The following MACROD1 variants were observed in gnomAD, a reference collection of about 807,000 sequenced individuals.
MACROD1 encodes the protein mono-ADP ribosylhydrolase 1.
MACROD1 carries 31 observed loss-of-function variants against 41.4 expected under a neutral mutation model. The observed-to-expected ratio is 0.75, with a 90% confidence interval of 0.56 to 1.01. MACROD1 has a LOEUF of 1.01. MACROD1 is among the 50% of genes least tolerant of loss of function. MACROD1 has a pLI of 0.00. For missense variants in MACROD1, 473 were observed against 460.0 expected (o/e 1.03, Z -0.26); for synonymous variants, 252 against 203.4 (o/e 1.24, Z -2.03).
chr11:64,024,520 C>T (rs1388714444), intron 3 of MACROD1, among the ~76,000 whole-genome samples: 2 of 152,136 alleles, frequency 1.3e-5, no homozygotes, highest in Non-Finnish European at 2.9e-5. Context: ...CACTGCAGGA[C>T]CCCCAGCTGC....
intron 3 of MACROD1, among the ~76,000 whole-genome samples, chr11:64,015,865 G>A (rs1255001397): frequency 1.3e-5 from 2 of 152,196 alleles, no homozygotes; most frequent in South Asian, 4.1e-4. Context: ...GGGACAAGGC[G>A]AGCCGGGTAA....
At chr11:64,102,078 A>T (rs940156742) in intron 3 of MACROD1, among the ~76,000 whole-genome samples, 14 of 152,154 alleles carry the variant, frequency 9.2e-5, no homozygotes, top group African/African-American at 3.4e-4. Context: ...GCATTTCTCA[A>T]ATCAGCCACC....
At chr11:64,053,978 C>T (rs535853297) in intron 3 of MACROD1, among the ~76,000 whole-genome samples, 1 of 152,262 alleles carries the variant, frequency 6.6e-6, no homozygotes, top group South Asian at 2.1e-4. Flanking sequence ...CAGCACCGTG[C>T]TGGGCGCTCT....
chr11:64,042,163 C>T (rs1294839318), intron 3 of MACROD1, among the ~76,000 whole-genome samples: 2 of 152,172 alleles, frequency 1.3e-5, no homozygotes, highest in African/African-American at 2.4e-5. Flanking sequence ...GGTGGGCACA[C>T]ATGCACCTTC....
intron 3 of MACROD1, among the ~76,000 whole-genome samples, chr11:64,126,582 T>C (rs2622431): frequency 0.96 from 145,517 of 152,042 alleles, 69,951 homozygotes; most frequent in Middle Eastern, 1. Context: ...TCTTATGTGG[T>C]GTCGTAAAGC....
At chr11:64,105,000 C>T (rs1335277659) in intron 3 of MACROD1, among the ~76,000 whole-genome samples, 3 of 152,234 alleles carry the variant, frequency 2.0e-5, no homozygotes, top group East Asian at 1.9e-4. Flanking sequence ...ACACTTCCCA[C>T]GCTCTTCCTC....
chr11:64,031,984 G>C (rs935387044), intron 3 of MACROD1, among the ~76,000 whole-genome samples: 3 of 152,222 alleles, frequency 2.0e-5, no homozygotes, highest in African/African-American at 7.2e-5. Flanking sequence ...CCAGGGTTGT[G>C]CCCTCTGAAC....
At chr11:64,111,335 C>A (rs1165587102) in intron 3 of MACROD1, among the ~76,000 whole-genome samples, 1 of 152,202 alleles carries the variant, frequency 6.6e-6, no homozygotes, top group Non-Finnish European at 1.5e-5. Context: ...CGCTGGGGGC[C>A]CCCTGGCAGA....
Position 64,043,933 on chromosome 11 carries a change from C to T in MACROD1, c.518-28652G>A, listed in dbSNP as rs548895884. 1.4e-4 allele frequency among the ~76,000 whole-genome samples: 21 copies of T among 152,070 alleles called. No homozygotes were observed. The East Asian group carries it at 4.1e-3, about 30-fold the overall frequency. On this transcript the variant is annotated intron_variant, in intron 3 of 10. Coordinates refer to ENST00000255681, the MANE Select transcript of MACROD1 (RefSeq NM_014067.4). Reference sequence around the variant, plus strand: ...GGTTCAAGCTATTCTCCTGCCTCAGCCTCCCAAGTAGCTGGGACTACAGGT... The same window carrying T: ...GGTTCAAGCTATTCTCCTGCCTCAGTCTCCCAAGTAGCTGGGACTACAGGT...
chr11:64,094,269 A>C (rs971303044), intron 3 of MACROD1, among the ~76,000 whole-genome samples: 7 of 152,166 alleles, frequency 4.6e-5, no homozygotes, highest in Non-Finnish European at 1.0e-4. Flanking sequence ...TCTCTACTAA[A>C]AATACAAAAA....
intron 3 of MACROD1, among the ~76,000 whole-genome samples, chr11:64,051,716 C>T (rs1329827039): frequency 1.3e-5 from 2 of 152,170 alleles, no homozygotes; most frequent in African/African-American, 4.8e-5. Flanking sequence ...GTGAGCTCCT[C>T]CCTGAACAGT....
At chr11:64,079,823 C>G (rs1944272968) in intron 3 of MACROD1, among the ~76,000 whole-genome samples, 1 of 152,048 alleles carries the variant, frequency 6.6e-6, no homozygotes, top group African/African-American at 2.4e-5. Context: ...ACCACTTGGA[C>G]CCCAGGAAGG....
At chr11:64,032,910 C>T (rs1367895453) in intron 3 of MACROD1, among the ~76,000 whole-genome samples, 7 of 152,172 alleles carry the variant, frequency 4.6e-5, no homozygotes, top group Admixed American at 4.6e-4. Context: ...TCCTGGCTGA[C>T]ACCAGCCACC....
At position 64,165,801 on chromosome 11, in the gene MACROD1, C is replaced by A. The variant is rs964854724; in HGVS notation, c.194G>T (p.Gly65Val). ...ARTSAGVGAW[G>V]AAAVGRTAGV... The stretch of plus-strand genomic sequence containing the variant: ...GGCTGTCCGCCCCACCGCCGCCGCC[C>A]CCCACGCCCCAACTCCCGCCGAGGT... The change falls in exon 1 of 11, where the codon GGG (glycine) becomes GTG (valine). Residue 65 changes from glycine (G) to valine (V), a missense_variant. Physicochemically the swap from Gly to Val is moderately radical, Grantham distance 109 (BLOSUM62 -3). Transcript: ENST00000255681. 2.6e-5 allele frequency: 38 copies of A among 1,487,586 alleles called. No individual in the cohort carries two copies. The highest frequency in any genetic ancestry group is 3.3e-5 in the Non-Finnish European group (37 of 1,121,488). 92.1% of individuals were successfully genotyped at this position (1,487,586 alleles called of 1,614,324 possible). A position where few individuals can be genotyped will look rare whatever the true frequency, so the allele number is the denominator to read the frequency against.
chr11:64,076,451 C>CGGAT (rs34046350), intron 3 of MACROD1, among the ~76,000 whole-genome samples: 4,433 of 151,890 alleles, frequency 0.029, 214 homozygotes, highest in African/African-American at 0.1. Flanking sequence ...GATGGATGGA[C>CGGAT]GGATGGATGG....
intron 3 of MACROD1, among the ~76,000 whole-genome samples, chr11:64,018,602 C>T (rs900427036): frequency 2.6e-5 from 4 of 152,224 alleles, no homozygotes; most frequent in Non-Finnish European, 5.9e-5. Context: ...TGCACCCCAA[C>T]ATCTTGGCCT....
intron 4 of MACROD1, chr11:64,000,971 C>G (rs1169725397): frequency 5.7e-6 from 1 of 174,190 alleles, no homozygotes; most frequent in Non-Finnish European, 1.2e-5. Flanking sequence ...CGCCCGGGCC[C>G]GAGTCTCCTG....
At chr11:64,077,072 C>A (rs551079529) in intron 3 of MACROD1, among the ~76,000 whole-genome samples, 1 of 152,208 alleles carries the variant, frequency 6.6e-6, no homozygotes, top group African/African-American at 2.4e-5. Flanking sequence ...GGTCCACAGA[C>A]CCCAGACCCC....
At chr11:64,164,810 C>G (rs1008488381) in intron 1 of MACROD1, among the ~76,000 whole-genome samples, 1 of 149,724 alleles carries the variant, frequency 6.7e-6, no homozygotes, top group East Asian at 1.9e-4. Context: ...GGGATCCAGC[C>G]GGGAAGAGTC....
Sources: gnomAD v4.1 joint callset for allele counts (sites outside exome capture counted in the v4.1 genomes callset) on GRCh38, gnomAD v4.1.1 for gene constraint, MANE v1.5 for transcripts, NCBI Gene and HGNC (gene_info 2026-07-23, HGNC 2026-07-21) for gene names.